The following SHC3 variants were observed in gnomAD, a reference collection of about 807,000 sequenced individuals.
SHC3 encodes the protein SHC adaptor protein 3, also known as SHC-transforming protein 3.
Under a neutral mutation model 60.4 loss-of-function variants are expected in SHC3, and 15 were observed. The ratio of observed to expected loss-of-function variants is 0.25; its 90% CI spans 0.17 to 0.38. The LOEUF is 0.38. SHC3 is among the 10% of genes least tolerant of loss of function. The pLI is 1.00. For missense variants in SHC3, 677 were observed against 786.1 expected, an observed-to-expected ratio of 0.86 and a Z score of 1.66; for synonymous variants, 294 against 325.9, an observed-to-expected ratio of 0.90 and a Z score of 1.05.
In SHC3 at chr9:89,068,215, G is replaced by T. The variant is rs775941118; in HGVS notation, c.784-2635C>A. Reference sequence around the variant, plus strand: ...GTTCCCACTCCCCAAGACCCCCTGTGCCTGGCCATTGTTCTGGCATTTTTG... The same window carrying T: ...GTTCCCACTCCCCAAGACCCCCTGTTCCTGGCCATTGTTCTGGCATTTTTG... On this transcript the variant is annotated intron_variant, in intron 5 of 11. Transcript: ENST00000375835. Among the ~76,000 whole-genome samples, 31 of 152,306 alleles carry T rather than the reference G, an allele frequency of 2.0e-4. 1 individual carries two copies. The highest frequency in any genetic ancestry group is 9.8e-4 in the Admixed American group (15 of 15,298).
chr9:89,065,967 G>A (rs1007700445), intron 5 of SHC3, among the ~76,000 whole-genome samples: 25 of 152,270 alleles, frequency 1.6e-4, no homozygotes, highest in African/African-American at 5.5e-4. Flanking sequence ...TGATACCTGC[G>A]TCCCAACATG....
intron 2 of SHC3, among the ~76,000 whole-genome samples, chr9:89,085,134 A>G (rs1381800570): frequency 6.6e-6 from 1 of 152,210 alleles, no homozygotes; most frequent in Non-Finnish European, 1.5e-5. Context: ...GCCCTTTGGA[A>G]ACACACACAC....
chr9:89,111,516 T>C (rs753404145), intron 2 of SHC3, among the ~76,000 whole-genome samples: 1 of 152,092 alleles, frequency 6.6e-6, no homozygotes, highest in Non-Finnish European at 1.5e-5. Flanking sequence ...GTGGATTCCT[T>C]CCTTCAGGTA....
intron 2 of SHC3, among the ~76,000 whole-genome samples, chr9:89,097,180 C>T (rs1450159418): frequency 6.7e-6 from 1 of 149,832 alleles, no homozygotes; most frequent in Non-Finnish European, 1.5e-5. Context: ...TCAGATCCAA[C>T]ATCCAACAAA....
intron 1 of SHC3, among the ~76,000 whole-genome samples, chr9:89,127,576 T>A (rs1239250199): frequency 6.6e-6 from 1 of 152,176 alleles, no homozygotes; most frequent in Non-Finnish European, 1.5e-5. Context: ...TGTTTTGCAT[T>A]GTGTTATCTG....
chr9:89,065,388 C>A, intron 6 of SHC3, 141 bp downstream of exon 6: 2 of 906,888 alleles, frequency 2.2e-6, no homozygotes, highest in South Asian at 1.5e-5. Flanking sequence ...ACAACCCTTG[C>A]AAACCTCATT....
chr9:89,138,405 T>C (rs772880105), intron 1 of SHC3, among the ~76,000 whole-genome samples: 1 of 151,718 alleles, frequency 6.6e-6, no homozygotes, highest in Non-Finnish European at 1.5e-5. Flanking sequence ...TAAGACCATA[T>C]AGGGTAACTT....
chr9:89,175,390 T>C, intron 1 of SHC3, among the ~76,000 whole-genome samples: 1 of 152,230 alleles, frequency 6.6e-6, no homozygotes, highest in South Asian at 2.1e-4. Context: ...TCTTCCATGT[T>C]TAAATTTTAA....
intron 1 of SHC3, among the ~76,000 whole-genome samples, chr9:89,113,980 A>G (rs1587734893): frequency 1.3e-5 from 2 of 152,198 alleles, no homozygotes. Context: ...TTATGTGAAT[A>G]CCACCAGCAT....
chr9:89,030,310 T>C (rs1000696984), intron 11 of SHC3, among the ~76,000 whole-genome samples: 29 of 152,134 alleles, frequency 1.9e-4, no homozygotes, highest in East Asian at 1.5e-3. Flanking sequence ...TAATAATGAA[T>C]AGAACAACTA....
rs1400280318 is a variant in SHC3, at chr9:89,178,692, G to A, written c.-232C>T. 4.9e-6 allele frequency: 2 copies of A among 409,462 alleles called. No individual in the cohort carries two copies. Among genetic ancestry groups the A allele is most frequent in the South Asian group, 7.0e-5 (1 of 14,234 alleles). The allele number at this position is 409,462 out of a possible 1,614,324, so 25.4% of individuals were successfully genotyped here. On this transcript the variant is annotated 5_prime_UTR_variant, in exon 1 of 12. Coordinates refer to ENST00000375835, the MANE Select transcript of SHC3 (RefSeq NM_016848.6). This position sits in a 1 kb window ranked among gnomAD's most constrained non-coding sequence, Gnocchi z 6.9. ...GCCCGGGAGACCGCTGCTTGGGGTT[G>A]CACGTTTGCTTTGCAAAAGTCATAG...
At chr9:89,065,694 A>G (rs1825167795) in intron 5 of SHC3, 114 bp from the exon 6 acceptor site, 1 of 983,994 alleles carries the variant, frequency 1.0e-6, no homozygotes, top group Non-Finnish European at 1.6e-6. Flanking sequence ...CAAACAGCTA[A>G]AGAATCAAAT....
At position 89,178,230 on chromosome 9, in the gene SHC3, G is replaced by A. The variant is rs905711750; in HGVS notation, c.231C>T (p.Ser77=). ...LLHKVSHLKL[S]SSGLRGLSSA... ...ACGACAGGCCGCGGAGGCCCGAGCTGGAGAGTTTCAGGTGGGACACCTTGT... is the reference window on the plus strand; with the variant it reads ...ACGACAGGCCGCGGAGGCCCGAGCTAGAGAGTTTCAGGTGGGACACCTTGT... Residue 77 remains serine (S), a synonymous_variant, in exon 1 of 12, where the codon TCC becomes TCT. Transcript: ENST00000375835. The surrounding 1 kb of genome is among the most constrained non-coding windows in gnomAD (Gnocchi z 6.9). The A allele has an allele frequency of 6.7e-7, 1 of 1,498,630 alleles. No homozygotes were observed. Among genetic ancestry groups the A allele is most frequent in the Non-Finnish European group, 8.9e-7 (1 of 1,125,928 alleles). The allele number at this position is 1,498,630 out of a possible 1,614,324, so 92.8% of individuals were successfully genotyped here. A position where few individuals can be genotyped will look rare whatever the true frequency, so the allele number is the denominator to read the frequency against.
intron 9 of SHC3, among the ~76,000 whole-genome samples, chr9:89,043,595 T>G (rs1388917880): frequency 6.6e-6 from 1 of 152,138 alleles, no homozygotes; most frequent in Non-Finnish European, 1.5e-5. Flanking sequence ...GGACAGTATC[T>G]GCCAGCAAAT....
rs1825949708 is a variant in SHC3 at position 89,007,085 on chromosome 9, T to A, written c.*6362A>T. The stretch of plus-strand genomic sequence containing the variant: ...TCAGCGAGAACCATTTTTCCAGACC[T>A]AGGGAAGGAGCCTGTGTGTTTTTGG... On this transcript the variant is annotated 3_prime_UTR_variant, in exon 12 of 12. Transcript: ENST00000375835. The A allele has an allele frequency of 6.6e-6, 1 of 152,206 alleles. No individual in the cohort carries two copies. The highest frequency in any genetic ancestry group is 2.1e-4 in the South Asian group (1 of 4,824). 9.4% of individuals were successfully genotyped at this position (152,206 alleles called of 1,614,324 possible).
Position 89,178,287 on chromosome 9 carries a change from G to A in SHC3, c.174C>T (p.Asp58=). 3 of 1,562,652 alleles carry A rather than the reference G, an allele frequency of 1.9e-6. No individual in the cohort carries two copies. Among genetic ancestry groups the A allele is most frequent in the East Asian group, 2.5e-5 (1 of 40,690 alleles). The change falls in exon 1 of 12, where the codon GAC becomes GAT. Residue 58 remains aspartate, a synonymous_variant. Coordinates refer to ENST00000375835, the MANE Select transcript of SHC3 (RefSeq NM_016848.6). The surrounding 1 kb of genome is among the most constrained non-coding windows in gnomAD (Gnocchi z 6.9). ...GGTGGCCCAGGCTGCCGGGCCCATC[G>A]TCGGGCGCCTTGCGCAGCGCCTCGC... The part of the protein sequence containing the change: ...VSGEALRKAP[D]DGPGSLGHLL...
intron 11 of SHC3, among the ~76,000 whole-genome samples, chr9:89,014,312 G>T (rs949066598): frequency 6.6e-6 from 1 of 152,256 alleles, no homozygotes; most frequent in Non-Finnish European, 1.5e-5. Context: ...TCCATCAGCC[G>T]CCTCCACTCT....
At chr9:89,173,963 A>C (rs1826906868) in intron 1 of SHC3, among the ~76,000 whole-genome samples, 1 of 152,216 alleles carries the variant, frequency 6.6e-6, no homozygotes, top group African/African-American at 2.4e-5. Context: ...TTAAAGTTCA[A>C]CTCCACATCA....
rs1438823144 is a variant in SHC3, at chr9:89,140,338, C to A, written c.475-27712G>T. On this transcript the variant is annotated intron_variant, in intron 1 of 11. Coordinates refer to ENST00000375835, the MANE Select transcript of SHC3 (RefSeq NM_016848.6). Reference sequence around the variant, plus strand: ...GACAGCTGGAAGGCAAACAGATTCCCCCCCCCAGATTAAGGGTCCTGCTTT... The same window carrying A: ...GACAGCTGGAAGGCAAACAGATTCCACCCCCCAGATTAAGGGTCCTGCTTT... Among the ~76,000 whole-genome samples the A allele has an allele frequency of 3.3e-5, 5 of 152,094 alleles. No individual in the cohort carries two copies. The South Asian group carries it at 6.2e-4, about 19-fold the overall frequency.
Sources: allele counts gnomAD v4.1 joint callset (sites outside exome capture counted in the v4.1 genomes callset), GRCh38; gene constraint gnomAD v4.1.1; non-coding constraint Gnocchi (gnomAD v3.1); transcripts MANE v1.5; gene names NCBI Gene and HGNC (gene_info 2026-07-23, HGNC 2026-07-21).